The following CR1 variants were observed in gnomAD, a reference collection of about 807,000 sequenced individuals.
CR1 encodes the protein complement receptor type 1.
Under a neutral mutation model 187.3 loss-of-function variants are expected in CR1, and 116 were observed. The observed-to-expected ratio is 0.62, with a 90% CI of 0.53 to 0.72. The LOEUF is 0.72. Among genes scored for constraint, CR1 ranks in the 30% least tolerant of loss-of-function variants. CR1 has a pLI of 0.00. For missense variants in CR1, 1,731 were observed against 2,110.7 expected, an observed-to-expected ratio of 0.82 and a Z score of 3.52; for synonymous variants, 576 against 747.1, an observed-to-expected ratio of 0.77 and a Z score of 3.73.
chr1:207,633,911 A>C (rs1662729153), intron 46 of CR1, among the ~76,000 whole-genome samples: 1 of 152,174 alleles, frequency 6.6e-6, no homozygotes, highest in South Asian at 2.1e-4. Context: ...GGAAAATTAC[A>C]GTCAACGGGG....
chr1:207,515,064 T>A (rs1374052471), intron 4 of CR1, among the ~76,000 whole-genome samples: 2 of 146,902 alleles, frequency 1.4e-5, no homozygotes, highest in Non-Finnish European at 3.0e-5. Flanking sequence ...TATGTATATA[T>A]ACGTATATAC....
chr1:207,633,497 T>C (rs558567482), intron 46 of CR1, among the ~76,000 whole-genome samples: 8 of 152,322 alleles, frequency 5.3e-5, no homozygotes, highest in Admixed American at 2.0e-4. Context: ...ACATAACCTA[T>C]AGTAATTGAC....
Position 207,580,411 on chromosome 1 carries a change from G to A in CR1, c.5108G>A (p.Cys1703Tyr). Residue 1703 changes from cysteine to tyrosine, a missense_variant, in exon 30 of 47, where the codon TGT becomes TAT. By Grantham distance (194) the Cys-to-Tyr change is radical. Around this residue, in one of 5 missense-constraint regions of CR1, gnomAD observed 1,312 missense variants for 1,379.6 expected, o/e 0.95. Coordinates refer to ENST00000367049, the MANE Select transcript of CR1 (RefSeq NM_000651.6). ...GACTGGAGCCCTGAAGCCCCGAGAT[G>A]TGCAGGTGCCTCAACTCTCTGGCTT... Reference protein sequence around the residue: ...QGDWSPEAPRCAVKSCDDFLG... With the variant: ...QGDWSPEAPRYAVKSCDDFLG... The A allele has an allele frequency of 6.2e-7, 1 of 1,613,660 alleles. No homozygotes were observed. The highest frequency in any genetic ancestry group is 1.7e-5 in the Admixed American group (1 of 59,976).
At chr1:207,524,088 G>T in intron 5 of CR1, 79 bp downstream of exon 5, 1 of 1,611,260 alleles carries the variant, frequency 6.2e-7, no homozygotes, top group East Asian at 2.2e-5. Flanking sequence ...ATTTGTTCAG[G>T]GGGAGGGATG....
chr1:207,634,169 G>A (rs1432628207), intron 46 of CR1, among the ~76,000 whole-genome samples: 3 of 152,068 alleles, frequency 2.0e-5, no homozygotes, highest in East Asian at 1.9e-4. Flanking sequence ...CAGGGGATGC[G>A]ATGGCTTGGC....
chr1:207,505,528 A>G (rs1463166167), intron 1 of CR1, among the ~76,000 whole-genome samples: 3 of 151,962 alleles, frequency 2.0e-5, no homozygotes, highest in African/African-American at 2.4e-5. Context: ...TATTGGAGAG[A>G]AAGAGAAGGT....
chr1:207,623,039 C>T lies in CR1; in HGVS notation c.7323C>T (p.Leu2441=), dbSNP rs1173828408. The T allele has an allele frequency of 1.3e-6, 2 of 1,581,332 alleles. No individual in the cohort carries two copies. The highest frequency in any genetic ancestry group is 1.7e-6 in the Non-Finnish European group (2 of 1,160,942). ...TCTTTATTTTACTCATCATTTTCCT[C>T]TCTTGGATAATTCTAAAGCACAGAA... ...TIFFILLIIF[L]SWIILKHRKG... Residue 2441 remains leucine, a synonymous_variant, in exon 45 of 47, where the codon CTC becomes CTT. Coordinates refer to ENST00000367049, the MANE Select transcript of CR1 (RefSeq NM_000651.6).
intron 28 of CR1, among the ~76,000 whole-genome samples, chr1:207,577,078 C>G (rs1179130440): frequency 1.3e-5 from 2 of 151,990 alleles, no homozygotes; most frequent in East Asian, 3.9e-4. Context: ...TGGTGAAACC[C>G]CATCTCTACT....
At chr1:207,516,406 A>G (rs568260269) in intron 4 of CR1, among the ~76,000 whole-genome samples, 1 of 152,336 alleles carries the variant, frequency 6.6e-6, no homozygotes, top group South Asian at 2.1e-4. Context: ...ATAGCATTAC[A>G]TTAAGATTTG....
intron 24 of CR1, 114 bp downstream of exon 24, chr1:207,566,037 A>T (rs2102325066): frequency 1.4e-6 from 2 of 1,380,124 alleles, no homozygotes; most frequent in Middle Eastern, 1.8e-4. Flanking sequence ...TTATCGATTT[A>T]AAAATAGTTT....
rs919610092 is a variant in CR1 at position 207,516,128 on chromosome 1, G to A, written c.487+4474G>A. Among the ~76,000 whole-genome samples the A allele has an allele frequency of 2.6e-5, 4 of 152,132 alleles. No homozygotes were observed. In the South Asian group the frequency reaches 8.3e-4, roughly 31 times the overall value. ...TCCCAGCTACTTGGGAGGCTGAGGT[G>A]GGAGGATCCCTTGAGCACAGAGGTT... On this transcript the variant is annotated intron_variant, in intron 4 of 46. Coordinates refer to ENST00000367049, the MANE Select transcript of CR1 (RefSeq NM_000651.6).
At chr1:207,520,895 A>T (rs978664154) in intron 4 of CR1, among the ~76,000 whole-genome samples, 1 of 150,342 alleles carries the variant, frequency 6.7e-6, no homozygotes, top group Non-Finnish European at 1.5e-5. Flanking sequence ...GATTTTTTAC[A>T]ATATTATTGT....
At chr1:207,515,341 G>C (rs1659778275) in intron 4 of CR1, among the ~76,000 whole-genome samples, 2 of 149,876 alleles carry the variant, frequency 1.3e-5, no homozygotes, top group African/African-American at 4.9e-5. Flanking sequence ...GTGTATATAT[G>C]CACACATCTT....
chr1:207,634,483 GGCA>G (rs1180435741), intron 46 of CR1, among the ~76,000 whole-genome samples: 2 of 152,172 alleles, frequency 1.3e-5, no homozygotes, highest in African/African-American at 4.8e-5. Context: ...GGAGTAAAGA[GGCA>G]GGCTCCAAAG....
At chr1:207,507,619 A>G (rs1659480717) in intron 3 of CR1, 1 of 152,386 alleles carries the variant, frequency 6.6e-6, no homozygotes, top group Non-Finnish European at 1.5e-5. Flanking sequence ...ACTGGGGATT[A>G]AGACATCAAT....
At chr1:207,513,006 G>A (rs1659670098) in intron 4 of CR1, among the ~76,000 whole-genome samples, 1 of 152,146 alleles carries the variant, frequency 6.6e-6, no homozygotes, top group South Asian at 2.1e-4. Flanking sequence ...CCATCCGTTG[G>A]TGCTGCTCTG....
At chr1:207,524,471 CCT>C (rs1660104383) in intron 5 of CR1, among the ~76,000 whole-genome samples, 2 of 152,020 alleles carry the variant, frequency 1.3e-5, no homozygotes, top group South Asian at 4.1e-4. Flanking sequence ...TCAACCTCCG[CCT>C]CTCTGGCTCA....
At chr1:207,631,613 A>G (rs923737712) in intron 46 of CR1, among the ~76,000 whole-genome samples, 6 of 152,162 alleles carry the variant, frequency 3.9e-5, no homozygotes, top group Admixed American at 3.3e-4. Context: ...CTTTTGTTCA[A>G]ATCTTTACTG....
At chr1:207,589,575 T>C (rs879829623) in intron 35 of CR1, among the ~76,000 whole-genome samples, 1 of 152,140 alleles carries the variant, frequency 6.6e-6, no homozygotes, top group Admixed American at 6.5e-5. Flanking sequence ...TCACAACTCC[T>C]TGCCAGCAAG....
Sources: gnomAD v4.1 joint callset for allele counts (sites outside exome capture counted in the v4.1 genomes callset) on GRCh38, gnomAD v4.1.1 for gene constraint, gnomAD v4.1.1 regional missense constraint, MANE v1.5 for transcripts, NCBI Gene and HGNC (gene_info 2026-07-23, HGNC 2026-07-21) for gene names.